The following SYT7 variants were observed in gnomAD, a reference collection of about 807,000 sequenced individuals.
The protein encoded by SYT7 is synaptotagmin 7, also known as synaptotagmin-7.
SYT7 carries 29 observed loss-of-function variants against 75.1 expected under a neutral mutation model. The ratio of observed to expected loss-of-function variants is 0.39; its 90% confidence interval spans 0.29 to 0.53. The LOEUF is 0.53. Among genes scored for constraint, SYT7 ranks in the 20% least tolerant of loss-of-function variants. The pLI is 0.77. For missense variants in SYT7, 693 were observed against 953.2 expected (o/e 0.73, Z 3.59); for synonymous variants, 376 against 401.7 (o/e 0.94, Z 0.76).
intron 1 of SYT7, among the ~76,000 whole-genome samples, chr11:61,568,049 C>T (rs1407852942): frequency 6.6e-6 from 1 of 152,200 alleles, no homozygotes; most frequent in East Asian, 1.9e-4. Context: ...GCCAGTCCCG[C>T]CAAGATGAAC....
chr11:61,537,467 C>T (rs1667820842), intron 7 of SYT7, among the ~76,000 whole-genome samples: 1 of 152,206 alleles, frequency 6.6e-6, no homozygotes, highest in Non-Finnish European at 1.5e-5. Context: ...GCCCAGTCTC[C>T]ACAGGGTCCC....
At chr11:61,539,378 G>C (rs1030813660) in intron 6 of SYT7, 5 of 152,168 alleles carry the variant, frequency 3.3e-5, no homozygotes, top group Non-Finnish European at 7.3e-5. Context: ...CATTTGCCAG[G>C]GGGGGAGAAG....
chr11:61,585,141 C>A (rs1313860177), upstream of SYT7, among the ~76,000 whole-genome samples: 1 of 152,234 alleles, frequency 6.6e-6, no homozygotes, highest in Non-Finnish European at 1.5e-5. Context: ...GCCCCTGATG[C>A]TGCCTGGCTC....
intron 12 of SYT7, among the ~76,000 whole-genome samples, chr11:61,519,660 C>T (rs1266059326): frequency 6.6e-6 from 1 of 152,180 alleles, no homozygotes; most frequent in Non-Finnish European, 1.5e-5. Flanking sequence ...TTCACAGCAA[C>T]GCAGTGCCCA....
At chr11:61,528,423 G>A (rs1238761126) in intron 8 of SYT7, among the ~76,000 whole-genome samples, 3 of 152,116 alleles carry the variant, frequency 2.0e-5, no homozygotes, top group Admixed American at 6.5e-5. Context: ...TGGTATGCAC[G>A]ACACTCACTT....
upstream of SYT7, among the ~76,000 whole-genome samples, chr11:61,584,118 G>T (rs925573580): frequency 2.0e-5 from 3 of 152,134 alleles, no homozygotes; most frequent in Non-Finnish European, 2.9e-5. Context: ...GACTGGGCGC[G>T]GTGGCTCACG....
intron 3 of SYT7, among the ~76,000 whole-genome samples, chr11:61,547,812 CA>C (rs1419572266): frequency 6.6e-6 from 1 of 152,162 alleles, no homozygotes; most frequent in African/African-American, 2.4e-5. Flanking sequence ...CCCTGCCTGT[CA>C]AAGGAGAAGA....
chr11:61,535,908 G>A (rs1469780427), intron 7 of SYT7, among the ~76,000 whole-genome samples: 1 of 152,156 alleles, frequency 6.6e-6, no homozygotes, highest in Non-Finnish European at 1.5e-5. Context: ...TGAAGAGGGA[G>A]GGACAGCCGC....
chr11:61,583,182 G>A (rs1440306097), upstream of SYT7, among the ~76,000 whole-genome samples: 1 of 151,750 alleles, frequency 6.6e-6, no homozygotes, highest in Non-Finnish European at 1.5e-5. Flanking sequence ...AGCCATGATT[G>A]CACCACTGCC....
chr11:61,528,495 G>A (rs1046296794), intron 8 of SYT7, among the ~76,000 whole-genome samples: 4 of 152,198 alleles, frequency 2.6e-5, no homozygotes, highest in South Asian at 2.1e-4. Flanking sequence ...CAGCTGCCTC[G>A]CCTTCCTGGC....
At chr11:61,544,104 T>C (rs896618186) in intron 5 of SYT7, among the ~76,000 whole-genome samples, 1 of 152,200 alleles carries the variant, frequency 6.6e-6, no homozygotes, top group Non-Finnish European at 1.5e-5. Flanking sequence ...GGTTGAGTCA[T>C]TGTGCAAGAG....
chr11:61,561,211 G>A (rs1276033323), intron 1 of SYT7, among the ~76,000 whole-genome samples: 1 of 152,194 alleles, frequency 6.6e-6, no homozygotes, highest in East Asian at 1.9e-4. Context: ...TGAGGCAGAG[G>A]AGACATCCTA....
At chr11:61,535,262 G>A (rs1050573994) in intron 7 of SYT7, among the ~76,000 whole-genome samples, 2 of 152,234 alleles carry the variant, frequency 1.3e-5, no homozygotes, top group African/African-American at 2.4e-5. Context: ...CGAGGGGACA[G>A]GGAGGAGCGT....
At chr11:61,544,661 T>C (rs1311884294) in intron 5 of SYT7, among the ~76,000 whole-genome samples, 1 of 152,046 alleles carries the variant, frequency 6.6e-6, no homozygotes. Context: ...ATTTACAACC[T>C]CTCAGTCACA....
At position 61,542,492 on chromosome 11, in the gene SYT7, G is replaced by A; in HGVS notation, c.660C>T (p.Thr220=). The A allele has an allele frequency of 6.5e-7, 1 of 1,532,796 alleles. No individual in the cohort carries two copies. Among genetic ancestry groups the A allele is most frequent in the Non-Finnish European group, 8.7e-7 (1 of 1,145,862 alleles). 94.9% of individuals were successfully genotyped at this position (1,532,796 alleles called of 1,614,324 possible). A position where few individuals can be genotyped will look rare whatever the true frequency, so the allele number is the denominator to read the frequency against. Reference sequence around the variant, plus strand: ...GTTGCAGGCTCTGCTGCCGCATCAGGGTGCGGGGTCGCTGGCATTTCGGCT... The same window carrying A: ...GTTGCAGGCTCTGCTGCCGCATCAGAGTGCGGGGTCGCTGGCATTTCGGCT... The part of the protein sequence containing the change: ...TGEPKCQRPR[T]LMRQQSLQQP... Residue 220 remains threonine (T), a synonymous_variant, in exon 6 of 13, where the codon ACC becomes ACT. Transcript: ENST00000539008. The surrounding 1 kb of genome is among the most constrained non-coding windows in gnomAD (Gnocchi z 7.8).
chr11:61,561,215 C>T (rs933075791), intron 1 of SYT7, among the ~76,000 whole-genome samples: 2 of 152,194 alleles, frequency 1.3e-5, no homozygotes, highest in African/African-American at 4.8e-5. Flanking sequence ...GCAGAGGAGA[C>T]ATCCTAGGTC....
intron 1 of SYT7, among the ~76,000 whole-genome samples, chr11:61,572,760 T>G (rs1288452188): frequency 6.6e-6 from 1 of 152,080 alleles, no homozygotes; most frequent in East Asian, 1.9e-4. Context: ...CACTGCAATC[T>G]CCAAGACAGG....
chr11:61,549,587 G>T (rs895590667), intron 3 of SYT7, among the ~76,000 whole-genome samples: 1 of 152,212 alleles, frequency 6.6e-6, no homozygotes, highest in Non-Finnish European at 1.5e-5. Context: ...AGGAGGCTCC[G>T]CCACCTGTGA....
At chr11:61,588,237 A>G in the SYT7 span, among the ~76,000 whole-genome samples, 1 of 152,168 alleles carries the variant, frequency 6.6e-6, no homozygotes, top group East Asian at 1.9e-4. Flanking sequence ...CCAGAATCCA[A>G]TCCTGCTCTA....
Sources: allele counts gnomAD v4.1 joint callset (sites outside exome capture counted in the v4.1 genomes callset), GRCh38; gene constraint gnomAD v4.1.1; non-coding constraint Gnocchi (gnomAD v3.1); transcripts MANE v1.5; gene names NCBI Gene and HGNC (gene_info 2026-07-23, HGNC 2026-07-21).